The following ABL2 variants were observed in gnomAD, a reference collection of about 807,000 sequenced individuals.
ABL2 encodes the protein ABL proto-oncogene 2, non-receptor tyrosine kinase, also known as tyrosine-protein kinase ABL2.
In ABL2, 49 loss-of-function variants were observed where a neutral mutation model predicts 107.7. That is an observed-to-expected ratio of 0.45 (90% CI 0.36 to 0.58). ABL2 has a LOEUF of 0.58. Among genes scored for constraint, ABL2 ranks in the 20% least tolerant of loss-of-function variants. The probability of loss-of-function intolerance (pLI) is 0.00; values close to 1 mark genes in which losing one functional copy is unlikely to be tolerated. For synonymous variants in ABL2, 549 were observed against 548.6 expected (o/e 1.00, Z -0.01); for missense variants, 1,245 against 1,457.0 (o/e 0.85, Z 2.37).
chr1:179,158,550 C>T lies in ABL2; in HGVS notation c.158-25176G>A, dbSNP rs556178996. Reference sequence around the variant, plus strand: ...CCACAACCACCTGATTGTCTTTCTGCACTTACGTAGTGAAACTGGCCTCTG... The same window carrying T: ...CCACAACCACCTGATTGTCTTTCTGTACTTACGTAGTGAAACTGGCCTCTG... On this transcript the variant is annotated intron_variant, in intron 1 of 11. Coordinates refer to ENST00000502732, the MANE Select transcript of ABL2 (RefSeq NM_007314.4). 7.2e-5 allele frequency among the ~76,000 whole-genome samples: 11 copies of T among 152,300 alleles called. No homozygotes were observed. In the South Asian group the frequency reaches 2.1e-3, roughly 29 times the overall value.
rs978049628 is a variant in ABL2 at position 179,106,399 on chromosome 1, T to A, written c.*1319A>T. 2 of 231,772 alleles carry A rather than the reference T, an allele frequency of 8.6e-6. No individual in the cohort carries two copies. Among genetic ancestry groups the A allele is most frequent in the Non-Finnish European group, 1.7e-5 (2 of 117,238 alleles). The allele number at this position is 231,772 out of a possible 1,614,324, so 14.4% of individuals were successfully genotyped here. A position where few individuals can be genotyped will look rare whatever the true frequency, so the allele number is the denominator to read the frequency against. On this transcript the variant is annotated 3_prime_UTR_variant, in exon 12 of 12. Coordinates refer to ENST00000502732, the MANE Select transcript of ABL2 (RefSeq NM_007314.4). ...TCCCTGAAAATGACTACTCCTTCAA[T>A]TATGCATTCTTAAAATAGAAGTGAA... is the stretch of plus-strand genomic sequence containing the variant.
At position 179,101,544 on chromosome 1, in the gene ABL2, T is replaced by C. The variant is rs1421006923; in HGVS notation, c.*6174A>G. 5.8e-6 allele frequency: 1 copy of C among 173,276 alleles called. No individual in the cohort carries two copies. Among genetic ancestry groups the C allele is most frequent in the Non-Finnish European group, 1.2e-5 (1 of 80,290 alleles). The allele number at this position is 173,276 out of a possible 1,614,324, so 10.7% of individuals were successfully genotyped here. On this transcript the variant is annotated 3_prime_UTR_variant, in exon 12 of 12. Transcript: ENST00000502732. ...ATGTACTACGCCCGGCTAATTTTTA[T>C]ATTTTTAGTAGAGACGGGGTTTCAC...
chr1:179,104,222 A>G lies in ABL2; in HGVS notation c.*3496T>C. ...TCCTTACAACAACCCTGAGGTAGTT[A>G]CTATTATTATCCCTGTTTTACAGTG... is the stretch of plus-strand genomic sequence containing the variant. On this transcript the variant is annotated 3_prime_UTR_variant, in exon 12 of 12. Coordinates refer to ENST00000502732, the MANE Select transcript of ABL2 (RefSeq NM_007314.4). 4.3e-6 allele frequency: 1 copy of G among 230,286 alleles called. No individual in the cohort carries two copies. Among genetic ancestry groups the G allele is most frequent in the South Asian group, 1.8e-4 (1 of 5,494 alleles). 14.3% of individuals were successfully genotyped at this position (230,286 alleles called of 1,614,324 possible). A position where few individuals can be genotyped will look rare whatever the true frequency, so the allele number is the denominator to read the frequency against.
intron 1 of ABL2, among the ~76,000 whole-genome samples, chr1:179,199,140 G>A (rs768002326): frequency 2.6e-5 from 4 of 152,110 alleles, no homozygotes; most frequent in African/African-American, 4.8e-5. Context: ...ACCACACCTG[G>A]CAAATTATCC....
intron 1 of ABL2, among the ~76,000 whole-genome samples, chr1:179,208,710 G>A (rs1032021251): frequency 2.0e-4 from 31 of 152,170 alleles, no homozygotes; most frequent in South Asian, 2.1e-4. Context: ...AAGCCAGAGA[G>A]TATGTTCAGC....
At chr1:179,226,043 C>CAAAA (rs1194438803) in intron 1 of ABL2, among the ~76,000 whole-genome samples, 10 of 45,688 alleles carry the variant, frequency 2.2e-4, no homozygotes, top group African/African-American at 7.2e-4. Context: ...GACTCCGCCT[C>CAAAA]AAAAAAAAAA....
chr1:179,134,965 C>T (rs987460434), intron 1 of ABL2, among the ~76,000 whole-genome samples: 2 of 152,370 alleles, frequency 1.3e-5, no homozygotes, highest in Non-Finnish European at 2.9e-5. Context: ...CTCCTAACCG[C>T]GAGTGATCCG....
intron 1 of ABL2, chr1:179,222,055 C>T: frequency 5.1e-6 from 1 of 194,912 alleles, no homozygotes. Flanking sequence ...GTGATTGCAG[C>T]CCACGGCTTT....
At chr1:179,118,019 G>A (rs540844533) in intron 7 of ABL2, among the ~76,000 whole-genome samples, 1 of 152,232 alleles carries the variant, frequency 6.6e-6, no homozygotes, top group South Asian at 2.1e-4. Context: ...CGGGCATGGT[G>A]GCATATTCCC....
At chr1:179,119,023 G>C (rs907566984) in intron 6 of ABL2, among the ~76,000 whole-genome samples, 8 of 152,140 alleles carry the variant, frequency 5.3e-5, no homozygotes, top group Non-Finnish European at 8.8e-5. Flanking sequence ...AGAGTTACCT[G>C]TATTAATTCT....
At chr1:179,184,798 T>C (rs1329244434) in intron 1 of ABL2, among the ~76,000 whole-genome samples, 1 of 152,196 alleles carries the variant, frequency 6.6e-6, no homozygotes, top group African/African-American at 2.4e-5. Flanking sequence ...CTTGCCCTGT[T>C]CTTGAGGTCT....
chr1:179,163,416 C>T (rs1173752375), intron 1 of ABL2, among the ~76,000 whole-genome samples: 1 of 152,156 alleles, frequency 6.6e-6, no homozygotes, highest in Non-Finnish European at 1.5e-5. Context: ...CACACAAAAA[C>T]CTGAACACAA....
rs772749898 is a variant in ABL2 at position 179,108,674 on chromosome 1, G to A, written c.2593C>T (p.Pro865Ser). 1 of 1,614,186 alleles carries A rather than the reference G, an allele frequency of 6.2e-7. No individual in the cohort carries two copies. The highest frequency in any genetic ancestry group is 1.1e-5 in the South Asian group (1 of 91,078). The change falls in exon 12 of 12, where the codon CCC (proline) becomes TCC (serine). Residue 865 changes from proline to serine, a missense_variant. By Grantham distance (74) the Pro-to-Ser change is moderately conservative. Transcript: ENST00000502732. ...TCTGTAATGGCTAGATCCCCAGAGG[G>A]TGTTCTGAGAGGAAGAGCTGTGGCT... ...RGATALPLRT[P>S]SGDLAITEKD...
rs545430826 is a variant in ABL2, at chr1:179,103,911, G to T, written c.*3807C>A. The T allele has an allele frequency of 8.6e-6, 2 of 232,828 alleles. No homozygotes were observed. The allele number at this position is 232,828 out of a possible 1,614,324, so 14.4% of individuals were successfully genotyped here. A position where few individuals can be genotyped will look rare whatever the true frequency, so the allele number is the denominator to read the frequency against. On this transcript the variant is annotated 3_prime_UTR_variant, in exon 12 of 12. Coordinates refer to ENST00000502732, the MANE Select transcript of ABL2 (RefSeq NM_007314.4). ...AGTTTCTTAATCTATAAACCAAAGG[G>T]TTGGGGTACTGATAGTTTTCAGATA... is the stretch of plus-strand genomic sequence containing the variant.
intron 4 of ABL2, among the ~76,000 whole-genome samples, chr1:179,125,020 T>A (rs1032535417): frequency 6.6e-6 from 1 of 152,224 alleles, no homozygotes; most frequent in Non-Finnish European, 1.5e-5. Context: ...CCCTGGCTAA[T>A]ACTAATCCTT....
intron 1 of ABL2, among the ~76,000 whole-genome samples, chr1:179,160,873 C>T (rs1443355802): frequency 2.0e-5 from 3 of 151,984 alleles, no homozygotes; most frequent in South Asian, 2.1e-4. Flanking sequence ...AATGAGATAC[C>T]ACTACAAGCA....
Position 179,214,775 on chromosome 1 carries a change from C to T in ABL2, c.157+14466G>A, listed in dbSNP as rs531593238. ...AATAAGAAAGTGGTTAAATATATGG[C>T]TAAAGCATGGGACACTATAAAGCTG... is the stretch of plus-strand genomic sequence containing the variant. On this transcript the variant is annotated intron_variant, in intron 1 of 11. Transcript: ENST00000502732. 2.6e-5 allele frequency among the ~76,000 whole-genome samples: 4 copies of T among 151,986 alleles called. No individual in the cohort carries two copies. In the South Asian group the frequency reaches 8.3e-4, roughly 32 times the overall value.
At chr1:179,198,129 C>T (rs1055116214) in intron 1 of ABL2, among the ~76,000 whole-genome samples, 4 of 148,720 alleles carry the variant, frequency 2.7e-5, no homozygotes, top group East Asian at 4.0e-4. Flanking sequence ...AGTTGTGCCA[C>T]GCCACTGCAC....
chr1:179,165,149 G>C (rs1328581642), intron 1 of ABL2, among the ~76,000 whole-genome samples: 2 of 152,122 alleles, frequency 1.3e-5, no homozygotes, highest in Admixed American at 6.6e-5. Context: ...TTGTGACACA[G>C]CATGTAAAAG....
Sources: allele counts gnomAD v4.1 joint callset (sites outside exome capture counted in the v4.1 genomes callset), GRCh38; gene constraint gnomAD v4.1.1; transcripts MANE v1.5; gene names NCBI Gene and HGNC (gene_info 2026-07-23, HGNC 2026-07-21).